EPB41L1: variants seen among roughly 807,000 people sequenced by gnomAD.
The protein encoded by EPB41L1 is erythrocyte membrane protein band 4.1 like 1.
A neutral mutation model predicts 97.8 loss-of-function variants in EPB41L1; 29 were observed. The ratio of observed to expected loss-of-function variants is 0.30; its 90% confidence interval spans 0.22 to 0.40. The LOEUF (loss-of-function observed/expected upper bound fraction) is 0.40. Ranked by LOEUF, EPB41L1 falls within the 10% of genes least tolerant of loss-of-function variation. The pLI is 1.00. For missense variants in EPB41L1, 812 were observed against 1,162.3 expected (o/e 0.70, Z 4.38); for synonymous variants, 383 against 459.2 (o/e 0.83, Z 2.12).
chr20:36,162,120 A>G (rs1051495981), intron 1 of EPB41L1, among the ~76,000 whole-genome samples: 3 of 152,184 alleles, frequency 2.0e-5, no homozygotes. Flanking sequence ...TCTTCTCAAT[A>G]GAGGTTAAGT....
At chr20:36,225,776 G>A (rs2064110096) in intron 21 of EPB41L1, among the ~76,000 whole-genome samples, 1 of 152,026 alleles carries the variant, frequency 6.6e-6, no homozygotes, top group Non-Finnish European at 1.5e-5. Context: ...CAGGCCCCCA[G>A]GCTCCCGCCT....
intron 2 of EPB41L1, among the ~76,000 whole-genome samples, chr20:36,143,533 G>GATACAAA (rs891798678): frequency 6.6e-6 from 1 of 152,110 alleles, no homozygotes; most frequent in Non-Finnish European, 1.5e-5. Flanking sequence ...CTTTAAATTA[G>GATACAAA]ATACAAAATA....
chr20:36,162,451 C>A (rs905492505), intron 1 of EPB41L1, among the ~76,000 whole-genome samples: 1 of 152,196 alleles, frequency 6.6e-6, no homozygotes, highest in Non-Finnish European at 1.5e-5. Flanking sequence ...CTAGTCCTGG[C>A]TCTCCTTGAA....
intron 1 of EPB41L1, chr20:36,110,611 TCA>T (rs1414677950): frequency 1.4e-5 from 2 of 142,606 alleles, no homozygotes; most frequent in Admixed American, 7.4e-5. Flanking sequence ...CCCATTGGCC[TCA>T]GTTTGCTTTA....
At chr20:36,129,067 G>C (rs1183383147) in intron 2 of EPB41L1, among the ~76,000 whole-genome samples, 1 of 151,972 alleles carries the variant, frequency 6.6e-6, no homozygotes, top group Non-Finnish European at 1.5e-5. Context: ...AGCTTGTGTA[G>C]CTTACATGGA....
At chr20:36,182,052 C>T (rs2061491942) in intron 5 of EPB41L1, among the ~76,000 whole-genome samples, 1 of 152,204 alleles carries the variant, frequency 6.6e-6, no homozygotes, top group South Asian at 2.1e-4. Flanking sequence ...TTCTTTCTTT[C>T]TTTCTTTCTA....
At chr20:36,161,328 G>A (rs2060515046) in intron 1 of EPB41L1, among the ~76,000 whole-genome samples, 1 of 152,198 alleles carries the variant, frequency 6.6e-6, no homozygotes, top group African/African-American at 2.4e-5. Context: ...TTGTCCATCT[G>A]TCTGGTGGTG....
chr20:36,152,929 C>T, upstream of EPB41L1: 1 of 455,136 alleles, frequency 2.2e-6, no homozygotes, highest in South Asian at 1.6e-5. Flanking sequence ...GTCAGTCGGC[C>T]TGGGCAGATT....
intron 1 of EPB41L1, among the ~76,000 whole-genome samples, chr20:36,107,794 A>T (rs1229362555): frequency 6.6e-6 from 1 of 151,404 alleles, no homozygotes; most frequent in Non-Finnish European, 1.5e-5. Context: ...ACACCACTGC[A>T]CTCTAGCCTG....
intron 1 of EPB41L1, among the ~76,000 whole-genome samples, chr20:36,106,820 A>G (rs1472092760): frequency 6.6e-6 from 1 of 152,196 alleles, no homozygotes; most frequent in Non-Finnish European, 1.5e-5. Flanking sequence ...GGCTAGTGCC[A>G]CCAAGGAACT....
intron 14 of EPB41L1, among the ~76,000 whole-genome samples, chr20:36,202,968 C>G (rs1239702301): frequency 3.3e-5 from 5 of 152,172 alleles, no homozygotes; most frequent in African/African-American, 4.8e-5. Context: ...TGTTTCTCCC[C>G]ACCCCTGTTG....
chr20:36,105,960 G>A (rs949292527), intron 1 of EPB41L1, among the ~76,000 whole-genome samples: 3 of 152,262 alleles, frequency 2.0e-5, no homozygotes, highest in African/African-American at 2.4e-5. Context: ...CAGGGGGCAG[G>A]CTGCCACCTG....
chr20:36,149,393 A>G (rs550419629), intron 2 of EPB41L1, among the ~76,000 whole-genome samples: 2 of 152,358 alleles, frequency 1.3e-5, no homozygotes, highest in South Asian at 4.1e-4. Flanking sequence ...GGCTTAACGC[A>G]GGAGGGTGTG....
In EPB41L1 at chr20:36,209,774, C is replaced by G. The variant is rs750977787; in HGVS notation, c.1955C>G (p.Thr652Ser). 5.8e-5 allele frequency: 93 copies of G among 1,614,112 alleles called. 1 individual carries two copies. In the East Asian group the frequency reaches 2.0e-3, roughly 35 times the overall value. ...GACCGGGACAAAAGCGACTCGGACA[C>G]TGAGGGCCTGCTGTTCTCCCGGGAT... ...ELDRDKSDSD[T>S]EGLLFSRDLN... is the part of the protein sequence containing the mutation. The change falls in exon 15 of 22, where the codon ACT becomes AGT. Residue 652 changes from threonine to serine, a missense_variant. Transcript: ENST00000338074. This position sits in a 1 kb window ranked among gnomAD's most constrained non-coding sequence, Gnocchi z 4.2.
Position 36,209,396 on chromosome 20 carries a change from C to A in EPB41L1, c.1669-92C>A. The A allele has an allele frequency of 6.9e-7, 1 of 1,445,302 alleles. No homozygotes were observed. Among genetic ancestry groups the A allele is most frequent in the East Asian group, 2.4e-5 (1 of 41,736 alleles). The allele number at this position is 1,445,302 out of a possible 1,614,324, so 89.5% of individuals were successfully genotyped here. ...TCCATTCAGGATGTCGACACAGCCC[C>A]GAGATTTCTCCTGACATTCACCATC... On this transcript the variant is annotated intron_variant, in intron 14 of 21. Transcript: ENST00000338074. This position sits in a 1 kb window ranked among gnomAD's most constrained non-coding sequence, Gnocchi z 4.2.
intron 1 of EPB41L1, among the ~76,000 whole-genome samples, chr20:36,100,040 C>T (rs1295273354): frequency 6.6e-5 from 10 of 152,326 alleles, no homozygotes; most frequent in Admixed American, 2.0e-4. Flanking sequence ...GGAGGGCCAC[C>T]ATGCGGGGCT....
chr20:36,188,619 CACACACACACACACACACACACAGAG>C (rs1323833163), intron 9 of EPB41L1, 120 bp downstream of exon 9: 12 of 660,144 alleles, frequency 1.8e-5, no homozygotes, highest in East Asian at 1.6e-4. Context: ...CACACACACA[CACACACACACACACACACACACAGAG>C]AGAGAGAGAG....
chr20:36,201,790 G>A (rs2062512551), intron 14 of EPB41L1, among the ~76,000 whole-genome samples: 1 of 152,142 alleles, frequency 6.6e-6, no homozygotes, highest in Admixed American at 6.5e-5. Flanking sequence ...TCCCTCCTCT[G>A]ATGGGATTTT....
chr20:36,097,694 T>C (rs1232999611), intron 1 of EPB41L1, among the ~76,000 whole-genome samples: 2 of 152,118 alleles, frequency 1.3e-5, no homozygotes, highest in East Asian at 3.9e-4. Context: ...ACAGAGATGG[T>C]GTTTGGGCTG....
Sources: gnomAD v4.1 joint callset for allele counts (sites outside exome capture counted in the v4.1 genomes callset) on GRCh38, gnomAD v4.1.1 for gene constraint, Gnocchi (gnomAD v3.1) non-coding constraint, MANE v1.5 for transcripts, NCBI Gene and HGNC (gene_info 2026-07-23, HGNC 2026-07-21) for gene names.